The following NUP98 variants were observed in gnomAD, a reference collection of about 807,000 sequenced individuals.
NUP98 encodes the protein nuclear pore complex protein Nup98-Nup96.
Under a neutral mutation model 191.9 loss-of-function variants are expected in NUP98, and 26 were observed. The ratio of observed to expected loss-of-function variants is 0.14; its 90% CI spans 0.10 to 0.19. NUP98 has a LOEUF of 0.19. Ranked by LOEUF, NUP98 falls within the 10% of genes least tolerant of loss-of-function variation. NUP98 has a pLI of 1.00. For synonymous variants in NUP98, 808 were observed against 778.4 expected, an observed-to-expected ratio of 1.04 and a Z score of -0.63; for missense variants, 1,941 against 2,178.8, an observed-to-expected ratio of 0.89 and a Z score of 2.17.
chr11:3,685,055 A>G (rs1302403567), intron 29 of NUP98, among the ~76,000 whole-genome samples: 2 of 152,170 alleles, frequency 1.3e-5, no homozygotes, highest in Non-Finnish European at 2.9e-5. Flanking sequence ...TGTAAAACAG[A>G]GATAATAACA....
intron 18 of NUP98, among the ~76,000 whole-genome samples, 166 bp from the exon 19 acceptor site, chr11:3,714,161 AG>A (rs1404943506): frequency 6.6e-6 from 1 of 152,242 alleles, no homozygotes; most frequent in Non-Finnish European, 1.5e-5. Flanking sequence ...CTTAAGAGCA[AG>A]GAGTCACTCC....
At chr11:3,794,455 G>C (rs1161943058) in intron 1 of NUP98, among the ~76,000 whole-genome samples, 2 of 151,976 alleles carry the variant, frequency 1.3e-5, no homozygotes, top group Non-Finnish European at 2.9e-5. Flanking sequence ...CGAGTAGCTG[G>C]GGCAATGGGC....
chr11:3,772,172 T>C (rs2081552508), intron 6 of NUP98, among the ~76,000 whole-genome samples: 1 of 152,136 alleles, frequency 6.6e-6, no homozygotes, highest in South Asian at 2.1e-4. Flanking sequence ...TCAGTTTTCT[T>C]TCACAAACAA....
At chr11:3,709,366 C>G (rs2078963355) in intron 20 of NUP98, among the ~76,000 whole-genome samples, 1 of 151,956 alleles carries the variant, frequency 6.6e-6, no homozygotes, top group African/African-American at 2.4e-5. Flanking sequence ...TACTGAGGCC[C>G]CATCTCCACA....
intron 9 of NUP98, among the ~76,000 whole-genome samples, chr11:3,762,278 G>A (rs1346206504): frequency 6.7e-6 from 1 of 149,730 alleles, no homozygotes; most frequent in East Asian, 1.9e-4. Flanking sequence ...CCCAGCTAGT[G>A]GTTTTTTTTT....
chr11:3,736,005 G>A (rs947924069), intron 12 of NUP98, among the ~76,000 whole-genome samples: 1 of 148,852 alleles, frequency 6.7e-6, no homozygotes, highest in African/African-American at 2.5e-5. Flanking sequence ...AGGCTCAAGT[G>A]ATCCTCTAAC....
intron 12 of NUP98, among the ~76,000 whole-genome samples, chr11:3,737,628 A>AAAAC (rs530823598): frequency 3.9e-5 from 6 of 152,166 alleles, no homozygotes; most frequent in African/African-American, 9.7e-5. Flanking sequence ...TTCCGTCTCA[A>AAAAC]AAACAAACAA....
chr11:3,791,780 T>C (rs1364904526), intron 1 of NUP98, among the ~76,000 whole-genome samples: 4 of 149,372 alleles, frequency 2.7e-5, no homozygotes, highest in African/African-American at 1.0e-4. Flanking sequence ...GAGGCGAGGT[T>C]ACAGTGAGCC....
In NUP98 at chr11:3,723,284, T is replaced by C; in HGVS notation, c.2019A>G (p.Ala673=). The C allele has an allele frequency of 6.2e-7, 1 of 1,614,200 alleles. No individual in the cohort carries two copies. Among genetic ancestry groups the C allele is most frequent in the Non-Finnish European group, 8.5e-7 (1 of 1,180,032 alleles). The change falls in exon 16 of 33, where the codon GCA becomes GCG. Residue 673 remains alanine, a synonymous_variant. Coordinates refer to ENST00000324932, the MANE Select transcript of NUP98 (RefSeq NM_016320.5). The stretch of plus-strand genomic sequence containing the variant: ...TTCGCAAAGCAGCACGCATGTTTAA[T>C]GCAACAATGGTATCATCCACACTGT... ...NSNSVDDTIV[A]LNMRAALRNG... is the part of the protein sequence containing the mutation.
chr11:3,747,950 A>T (rs1235281829), intron 11 of NUP98, among the ~76,000 whole-genome samples: 1 of 152,154 alleles, frequency 6.6e-6, no homozygotes, highest in Non-Finnish European at 1.5e-5. Context: ...TTGCTGACTC[A>T]CAATTCTCAT....
chr11:3,753,616 A>G (rs1330923921), intron 10 of NUP98, among the ~76,000 whole-genome samples: 2 of 152,002 alleles, frequency 1.3e-5, no homozygotes, highest in African/African-American at 4.8e-5. Flanking sequence ...CAGCCTTGAA[A>G]TATCAATTCA....
At chr11:3,775,751 ATTTTGT>A (rs1248371061) in intron 5 of NUP98, 125 bp downstream of exon 5, 2 of 736,596 alleles carry the variant, frequency 2.7e-6, no homozygotes, top group Non-Finnish European at 2.3e-6. Flanking sequence ...CTATTTATAG[ATTTTGT>A]TTTTAACACA....
intron 1 of NUP98, among the ~76,000 whole-genome samples, chr11:3,795,811 G>A (rs947306830): frequency 6.6e-6 from 1 of 152,152 alleles, no homozygotes; most frequent in African/African-American, 2.4e-5. Context: ...AAAATGTCAC[G>A]GAAAACATAC....
chr11:3,744,036 G>C (rs1460259548), intron 12 of NUP98, among the ~76,000 whole-genome samples: 1 of 152,102 alleles, frequency 6.6e-6, no homozygotes, highest in African/African-American at 2.4e-5. Flanking sequence ...TCCAGCTTGG[G>C]CAACAGCGCG....
chr11:3,697,014 T>C (rs2078531072), intron 25 of NUP98: 2 of 152,182 alleles, frequency 1.3e-5, no homozygotes, highest in South Asian at 2.1e-4. Context: ...TACATGTTGG[T>C]GTCCTGGTGA....
chr11:3,744,698 T>G, intron 11 of NUP98, 49 bp from the exon 12 acceptor site: 1 of 1,564,216 alleles, frequency 6.4e-7, no homozygotes, highest in Non-Finnish European at 8.6e-7. Context: ...ATCCTTTCAA[T>G]GTTGTGCCAG....
intron 20 of NUP98, chr11:3,711,981 A>G: frequency 9.6e-7 from 1 of 1,046,322 alleles, no homozygotes; most frequent in Non-Finnish European, 1.2e-6. Context: ...TCAATGATAC[A>G]AGTAATTGCG....
Position 3,786,610 on chromosome 11 carries a change from C to T in NUP98, c.-28-4465G>A, listed in dbSNP as rs186410106. On this transcript the variant is annotated intron_variant, in intron 1 of 32. Transcript: ENST00000324932. Reference sequence around the variant, plus strand: ...CAGATTCTCAGATACAAGAAGTAGCCTTATAATACACCCAGTAGTCCAATC... The same window carrying T: ...CAGATTCTCAGATACAAGAAGTAGCTTTATAATACACCCAGTAGTCCAATC... Among the ~76,000 whole-genome samples, 298 of 152,246 alleles carry T rather than the reference C, an allele frequency of 2.0e-3. 1 individual carries two copies. Among genetic ancestry groups the T allele is most frequent in the Non-Finnish European group, 1.7e-3 (115 of 68,024 alleles).
chr11:3,729,444 G>T (rs535321036), intron 14 of NUP98, among the ~76,000 whole-genome samples: 1 of 150,686 alleles, frequency 6.6e-6, no homozygotes, highest in Admixed American at 6.7e-5. Flanking sequence ...GTAGCTGGGC[G>T]TGGTAGCTCA....
Sources: gnomAD v4.1 joint callset for allele counts (sites outside exome capture counted in the v4.1 genomes callset) on GRCh38, gnomAD v4.1.1 for gene constraint, MANE v1.5 for transcripts, NCBI Gene and HGNC (gene_info 2026-07-23, HGNC 2026-07-21) for gene names.